Variants in FAHD2A observed in about 807,000 individuals in gnomAD.
The protein encoded by FAHD2A is fumarylacetoacetate hydrolase domain containing 2A.
FAHD2A carries 27 observed loss-of-function variants against 33.4 expected under a neutral mutation model. That is an observed-to-expected ratio of 0.81 (90% CI 0.60 to 1.11). The LOEUF is 1.11. Among genes scored for constraint, FAHD2A ranks in the 50% most tolerant of loss-of-function variants. The pLI is 0.00. For synonymous variants in FAHD2A, 130 were observed against 153.3 expected, an observed-to-expected ratio of 0.85 and a Z score of 1.12; for missense variants, 296 against 395.0, an observed-to-expected ratio of 0.75 and a Z score of 2.12.
chr2:95,411,942 C>T (rs758890802), intron 5 of FAHD2A, among the ~76,000 whole-genome samples: 21 of 152,150 alleles, frequency 1.4e-4, no homozygotes, highest in South Asian at 2.1e-4. Context: ...CGCACCACCA[C>T]GCCTGACTAA....
intron 1 of FAHD2A, among the ~76,000 whole-genome samples, chr2:95,404,538 A>G (rs1434760629): frequency 6.6e-6 from 1 of 151,936 alleles, no homozygotes; most frequent in Admixed American, 6.6e-5. Flanking sequence ...CAAGTGATCC[A>G]CCCACCTCGG....
chr2:95,412,989 A>G lies in FAHD2A; in HGVS notation c.*32A>G, dbSNP rs1272452300. On this transcript the variant is annotated 3_prime_UTR_variant, in exon 8 of 8. Coordinates refer to ENST00000233379, the MANE Select transcript of FAHD2A (RefSeq NM_016044.3). The stretch of plus-strand genomic sequence containing the variant: ...CTGCACAGGCCCTGCACATAGGATG[A>G]GGGCATCTGCTCCCACTCAGCCTAG... 1.2e-6 allele frequency: 2 copies of G among 1,611,794 alleles called. No individual in the cohort carries two copies. Among genetic ancestry groups the G allele is most frequent in the Non-Finnish European group, 1.7e-6 (2 of 1,178,902 alleles).
Position 95,402,810 on chromosome 2 carries a change from C to T in FAHD2A, c.-69C>T, listed in dbSNP as rs1011377108. The T allele has an allele frequency of 4.6e-5, 7 of 152,436 alleles. No individual in the cohort carries two copies. The highest frequency in any genetic ancestry group is 1.3e-4 in the Admixed American group (2 of 15,284). The allele number at this position is 152,436 out of a possible 1,614,324, so 9.4% of individuals were successfully genotyped here. A position where few individuals can be genotyped will look rare whatever the true frequency, so the allele number is the denominator to read the frequency against. On this transcript the variant is annotated 5_prime_UTR_variant, in exon 1 of 8. Coordinates refer to ENST00000233379, the MANE Select transcript of FAHD2A (RefSeq NM_016044.3). ...GTGGCAGTGCTCAGGCGCCCGCCGCCCTTGACCTTCGGCCCCGCGAGCTCT... is the reference window on the plus strand; with the variant it reads ...GTGGCAGTGCTCAGGCGCCCGCCGCTCTTGACCTTCGGCCCCGCGAGCTCT...
At chr2:95,408,205 C>G (rs1681929683) in intron 3 of FAHD2A, among the ~76,000 whole-genome samples, 1 of 152,094 alleles carries the variant, frequency 6.6e-6, no homozygotes, top group South Asian at 2.1e-4. Flanking sequence ...AAAAAATTAA[C>G]TTGAATAATA....
chr2:95,412,671 A>G lies in FAHD2A; in HGVS notation c.795-6A>G, dbSNP rs373953564. The G allele has an allele frequency of 1.2e-6, 2 of 1,613,940 alleles. No individual in the cohort carries two copies. Among genetic ancestry groups the G allele is most frequent in the Non-Finnish European group, 8.5e-7 (1 of 1,179,974 alleles). ...GGTCTCACCGGGTCCTTCTGCTTTG[A>G]TCCAGGTTTGTTACCTTTTACCCAG... is the stretch of plus-strand genomic sequence containing the variant. On this transcript the variant is annotated splice_polypyrimidine_tract_variant and splice_region_variant and intron_variant, in intron 6 of 7. Transcript: ENST00000233379.
At position 95,412,841 on chromosome 2, in the gene FAHD2A, G is replaced by C. The variant is rs998846211; in HGVS notation, c.883-54G>C. 7 of 1,612,788 alleles carry C rather than the reference G, an allele frequency of 4.3e-6. No individual in the cohort carries two copies. The Admixed American group carries it at 8.4e-5, about 19-fold the overall frequency. On this transcript the variant is annotated intron_variant, in intron 7 of 7. Transcript: ENST00000233379. ...CCTCAGACTTGAGAAGTACAGGCTT[G>C]TGTATGTGTGTCTGACGGAAGGGCT... is the stretch of plus-strand genomic sequence containing the variant.
At position 95,407,133 on chromosome 2, in the gene FAHD2A, G is replaced by A. The variant is rs140055127; in HGVS notation, c.438G>A (p.Glu146=). 4.3e-6 allele frequency: 7 copies of A among 1,611,936 alleles called. No individual in the cohort carries two copies. The African/African-American group carries it at 6.7e-5, about 15-fold the overall frequency. Residue 146 remains glutamate, a synonymous_variant, in exon 3 of 8, where the codon GAG becomes GAA. Coordinates refer to ENST00000233379, the MANE Select transcript of FAHD2A (RefSeq NM_016044.3). The part of the protein sequence containing the change: ...FASSIVGPYD[E]VVLPPQSQEV... ...GCTCCATCGTGGGGCCCTATGATGA[G>A]GTGGTCCTCCCACCACAGAGCCAGG...
chr2:95,420,297 G>A (rs549349521), downstream of FAHD2A, among the ~76,000 whole-genome samples: 130 of 152,196 alleles, frequency 8.5e-4, 3 homozygotes, highest in South Asian at 0.027. Flanking sequence ...CATACAGCAG[G>A]TCACTCATGA....
At chr2:95,411,069 G>A (rs1477325100) in intron 5 of FAHD2A, 43 bp downstream of exon 5, 3 of 1,608,374 alleles carry the variant, frequency 1.9e-6, no homozygotes, top group South Asian at 2.2e-5. Context: ...CCATTGCACA[G>A]ATGAACAGCG....
intron 1 of FAHD2A, among the ~76,000 whole-genome samples, chr2:95,404,053 C>T (rs993176133): frequency 6.6e-6 from 1 of 152,180 alleles, no homozygotes; most frequent in African/African-American, 2.4e-5. Context: ...AATGAATCTT[C>T]AACTGAACAA....
rs751512019 is a variant in FAHD2A at position 95,407,056 on chromosome 2, G to A, written c.361G>A (p.Glu121Lys). 4 of 1,613,562 alleles carry A rather than the reference G, an allele frequency of 2.5e-6. No individual in the cohort carries two copies. The highest frequency in any genetic ancestry group is 2.5e-6 in the Non-Finnish European group (3 of 1,179,862). Residue 121 changes from glutamate to lysine, a missense_variant, in exon 3 of 8, where the codon GAA becomes AAA. By Grantham distance (56) the Glu-to-Lys change is moderately conservative. Coordinates refer to ENST00000233379, the MANE Select transcript of FAHD2A (RefSeq NM_016044.3). ...CATGAATTATGTGGACCACTGCAAA[G>A]AACAGAACGTGCCCGTGCCCAAGGA... is the stretch of plus-strand genomic sequence containing the variant. ...VGMNYVDHCK[E>K]QNVPVPKEPI...
Position 95,406,683 on chromosome 2 carries a change from C to T in FAHD2A, c.246-258C>T, listed in dbSNP as rs1191974571. 2.6e-5 allele frequency among the ~76,000 whole-genome samples: 4 copies of T among 152,220 alleles called. No homozygotes were observed. In the South Asian group the frequency reaches 8.3e-4, roughly 32 times the overall value. On this transcript the variant is annotated intron_variant, in intron 2 of 7. Transcript: ENST00000233379. ...CCGGAAGGGGAAAGGGAAACCTTTC[C>T]ATGTATTCCAGTTTGTATCTTTTAC...
chr2:95,412,160 C>T (rs1328840365), intron 5 of FAHD2A, among the ~76,000 whole-genome samples: 2 of 151,984 alleles, frequency 1.3e-5, no homozygotes, highest in African/African-American at 4.8e-5. Context: ...AAGGCAAAAA[C>T]CCTAGCCATT....
chr2:95,414,204 A>C lies in FAHD2A; in HGVS notation c.*1247A>C. ...GGCAGGGGGCAGCAGCCACCAGCAA[A>C]CACCACTGCCTGCAGGAGCCTGGGC... is the stretch of plus-strand genomic sequence containing the variant. On this transcript the variant is annotated 3_prime_UTR_variant, in exon 8 of 8. Transcript: ENST00000233379. 6.3e-7 allele frequency: 1 copy of C among 1,589,938 alleles called. No individual in the cohort carries two copies. The highest frequency in any genetic ancestry group is 8.6e-7 in the Non-Finnish European group (1 of 1,169,566).
downstream of FAHD2A, among the ~76,000 whole-genome samples, chr2:95,418,277 A>T (rs1683264033): frequency 6.6e-6 from 1 of 151,552 alleles, no homozygotes; most frequent in South Asian, 2.1e-4. Context: ...TGTGTAAGGA[A>T]AGAGGATGTC....
chr2:95,408,063 G>A (rs1406784718), intron 3 of FAHD2A, among the ~76,000 whole-genome samples: 1 of 110,502 alleles, frequency 9.0e-6, no homozygotes, highest in Non-Finnish European at 1.9e-5. Flanking sequence ...TTTTTTTGCA[G>A]GGTATGGGGT....
Position 95,413,553 on chromosome 2 carries a change from C to G in FAHD2A, c.*596C>G. The G allele has an allele frequency of 6.3e-7, 1 of 1,584,254 alleles. No homozygotes were observed. Among genetic ancestry groups the G allele is most frequent in the Non-Finnish European group, 8.6e-7 (1 of 1,165,646 alleles). ...GGAGCCTGGGGCCTGCAGGGCTCGG[C>G]GTCTGCTGCAGAACCTGGGCCATGG... On this transcript the variant is annotated 3_prime_UTR_variant, in exon 8 of 8. Transcript: ENST00000233379.
intron 3 of FAHD2A, among the ~76,000 whole-genome samples, chr2:95,408,651 G>A (rs1196871193): frequency 2.0e-5 from 3 of 152,134 alleles, no homozygotes; most frequent in Admixed American, 6.6e-5. Flanking sequence ...AGAACAGCAC[G>A]GGAAAGACCT....
At position 95,405,656 on chromosome 2, in the gene FAHD2A, G is replaced by T. The variant is rs766633125; in HGVS notation, c.98G>T (p.Arg33Leu). The T allele has an allele frequency of 1.2e-6, 2 of 1,614,088 alleles. No homozygotes were observed. The highest frequency in any genetic ancestry group is 2.2e-5 in the South Asian group (2 of 91,072). ...PSRDMRLVQF[R>L]APHLVGPHLG... is the part of the protein sequence containing the mutation. The stretch of plus-strand genomic sequence containing the variant: ...AGAGACATGAGACTAGTGCAGTTCC[G>T]GGCACCCCACCTGGTGGGGCCTCAC... Residue 33 changes from arginine to leucine, a missense_variant, in exon 2 of 8, where the codon CGG becomes CTG. Coordinates refer to ENST00000233379, the MANE Select transcript of FAHD2A (RefSeq NM_016044.3).
Sources: allele counts gnomAD v4.1 joint callset (sites outside exome capture counted in the v4.1 genomes callset), GRCh38; gene constraint gnomAD v4.1.1; transcripts MANE v1.5; gene names NCBI Gene and HGNC (gene_info 2026-07-23, HGNC 2026-07-21).